UBR4: variants seen among roughly 807,000 people sequenced by gnomAD.
The protein encoded by UBR4 is ubiquitin protein ligase E3 component n-recognin 4, also known as E3 ubiquitin-protein ligase UBR4.
In UBR4, 124 loss-of-function variants were observed where a neutral mutation model predicts 575.6. The ratio of observed to expected loss-of-function variants is 0.22; its 90% CI spans 0.19 to 0.25. UBR4 has a LOEUF of 0.25. Ranked by LOEUF, UBR4 falls within the 10% of genes least tolerant of loss-of-function variation. UBR4 has a pLI of 1.00. For missense variants in UBR4, 4,818 were observed against 6,478.8 expected (o/e 0.74, Z 8.80); for synonymous variants, 2,455 against 2,473.7 (o/e 0.99, Z 0.22).
intron 1 of UBR4, among the ~76,000 whole-genome samples, chr1:19,204,222 T>G (rs2092892820): frequency 6.6e-6 from 1 of 152,114 alleles, no homozygotes; most frequent in Non-Finnish European, 1.5e-5. Context: ...CAGGCTGGTC[T>G]CAAACTCCTG....
chr1:19,082,385 C>T (rs1041284289), intron 102 of UBR4: 18 of 152,498 alleles, frequency 1.2e-4, no homozygotes, highest in Admixed American at 3.3e-4. Context: ...AGTCTCACAT[C>T]GTGGAAAAAA....
rs2082130882 is a variant in UBR4 at position 19,129,065 on chromosome 1, C to G, written c.8916G>C (p.Met2972Ile). The G allele has an allele frequency of 3.1e-6, 5 of 1,614,052 alleles. No homozygotes were observed. Among genetic ancestry groups the G allele is most frequent in the Non-Finnish European group, 4.2e-6 (5 of 1,179,954 alleles). Residue 2972 changes from methionine to isoleucine, a missense_variant, in exon 61 of 106, where the codon ATG (methionine) becomes ATC (isoleucine). Physicochemically the swap from Met to Ile is conservative, Grantham distance 10. Coordinates refer to ENST00000375254, the MANE Select transcript of UBR4 (RefSeq NM_020765.3). ...GDVHTSNRLH[M>I]VRLMLLERLL... is the part of the protein sequence containing the mutation. ...ATCTCTCCAACAGCATTAGACGGAC[C>G]ATGTGCAGCCTAAAAGGGTGGGGAA...
intron 60 of UBR4, among the ~76,000 whole-genome samples, chr1:19,132,410 G>A (rs1221544792): frequency 6.6e-6 from 1 of 151,800 alleles, no homozygotes; most frequent in Non-Finnish European, 1.5e-5. Context: ...TTGAACTCCT[G>A]GCCTCAAGTG....
chr1:19,201,684 C>CCT (rs1467155371), intron 2 of UBR4, 34 bp downstream of exon 2: 3 of 1,570,672 alleles, frequency 1.9e-6, no homozygotes, highest in Non-Finnish European at 2.6e-6. Context: ...ATTCACAAGC[C>CCT]CTCAGAAGGG....
chr1:19,121,139 G>A (rs746924016), intron 68 of UBR4, 50 bp downstream of exon 68: 1 of 1,590,006 alleles, frequency 6.3e-7, no homozygotes, highest in African/African-American at 1.3e-5. Context: ...TGCTCCAAGA[G>A]AGATTTACAT....
chr1:19,196,616 A>G (rs1206019229), intron 8 of UBR4, among the ~76,000 whole-genome samples: 2 of 152,228 alleles, frequency 1.3e-5, no homozygotes, highest in African/African-American at 2.4e-5. Context: ...GATTTTATGG[A>G]AGCTTAAAGA....
intron 50 of UBR4, 64 bp downstream of exon 50, chr1:19,148,499 G>A (rs931657654): frequency 1.5e-5 from 24 of 1,595,842 alleles, no homozygotes; most frequent in South Asian, 2.2e-5. Flanking sequence ...TCAGGGCCTC[G>A]GGCAACTCCA....
chr1:19,190,308 A>ATAAAT (rs1419232433), intron 11 of UBR4, among the ~76,000 whole-genome samples: 2 of 83,918 alleles, frequency 2.4e-5, no homozygotes, highest in African/African-American at 9.2e-5. Context: ...AAAAAAAAAA[A>ATAAAT]AAAAATATAT....
At chr1:19,129,156 C>A (rs931407050) in intron 60 of UBR4, 82 bp from the exon 61 acceptor site, 3 of 1,189,148 alleles carry the variant, frequency 2.5e-6, no homozygotes, top group East Asian at 2.4e-5. Flanking sequence ...CCCAACCCCA[C>A]CCTGCTACCA....
At chr1:19,209,940 G>A (rs1463246700) in intron 1 of UBR4, 133 bp downstream of exon 1, 3 of 1,336,270 alleles carry the variant, frequency 2.2e-6, no homozygotes, top group Non-Finnish European at 2.9e-6. Context: ...CCCGGGCCCG[G>A]GACCCCGAAG....
rs145425858 is a variant in UBR4 at position 19,192,219 on chromosome 1, C to A, written c.1363G>T (p.Val455Leu). The A allele has an allele frequency of 6.6e-5, 106 of 1,614,188 alleles. 1 individual carries two copies. In the African/African-American group the frequency reaches 8.7e-4, roughly 13 times the overall value. Residue 455 changes from valine to leucine, a missense_variant, in exon 11 of 106, where the codon GTG (valine) becomes TTG (leucine). By Grantham distance (32) the Val-to-Leu change is conservative. Around this residue, in one of 29 missense-constraint regions of UBR4, gnomAD observed 162 missense variants for 216.4 expected, o/e 0.75. Coordinates refer to ENST00000375254, the MANE Select transcript of UBR4 (RefSeq NM_020765.3). The part of the protein sequence containing the change: ...RDILSRTKEG[V>L]GSPKLGPGKG... ...CCAGGCCCCAGTTTAGGGGAGCCCA[C>A]TCCCTCTTTAGTACGAGAAAGGATG...
chr1:19,183,841 T>C lies in UBR4; in HGVS notation c.2154A>G (p.Val718=). 7.4e-6 allele frequency: 12 copies of C among 1,614,178 alleles called. No homozygotes were observed. The highest frequency in any genetic ancestry group is 1.3e-5 in the African/African-American group (1 of 75,040). ...AALYHFNHSL[V]TSDLQSPNLQ... The stretch of plus-strand genomic sequence containing the variant: ...GGTTAGGTGACTGAAGGTCAGAGGT[T>C]ACCAGTGAGTGGTTGAAGTGATAGA... Residue 718 remains valine, a synonymous_variant, in exon 17 of 106, where the codon GTA becomes GTG. Coordinates refer to ENST00000375254, the MANE Select transcript of UBR4 (RefSeq NM_020765.3).
At position 19,139,234 on chromosome 1, in the gene UBR4, G is replaced by A. The variant is rs778231061; in HGVS notation, c.8594-14C>T. 73 of 1,592,846 alleles carry A rather than the reference G, an allele frequency of 4.6e-5. 1 individual carries two copies. In the South Asian group the frequency reaches 5.9e-4, roughly 13 times the overall value. On this transcript the variant is annotated splice_polypyrimidine_tract_variant and intron_variant, in intron 58 of 105. Coordinates refer to ENST00000375254, the MANE Select transcript of UBR4 (RefSeq NM_020765.3). The surrounding 1 kb of genome is among the most constrained non-coding windows in gnomAD (Gnocchi z 4.2). ...CTGAGGCTGGAGCTGAGAGAGTAAC[G>A]AGAGCTGTTACAGGTTAAAAAACAA... is the stretch of plus-strand genomic sequence containing the variant.
chr1:19,100,955 AC>A lies in UBR4; in HGVS notation c.13024-383del, dbSNP rs970114320. Among the ~76,000 whole-genome samples, 6 of 152,056 alleles carry A rather than the reference AC, an allele frequency of 3.9e-5. No homozygotes were observed. The highest frequency in any genetic ancestry group is 3.4e-3 in the Middle Eastern group (1 of 294). ...GGGCCAGAGGACTTTGTCACTGATG[AC>A]CCTGAAGTCAAGAAAAGGGCTTCTC... On this transcript the variant is annotated intron_variant, in intron 88 of 105. Coordinates refer to ENST00000375254, the MANE Select transcript of UBR4 (RefSeq NM_020765.3). The surrounding 1 kb of genome is among the most constrained non-coding windows in gnomAD (Gnocchi z 4.2).
At chr1:19,201,872 T>C in intron 1 of UBR4, 57 bp from the exon 2 acceptor site, 3 of 1,431,176 alleles carry the variant, frequency 2.1e-6, no homozygotes, top group South Asian at 1.2e-5. Flanking sequence ...ATGTGCCAGA[T>C]ACCCCTTTAT....
Position 19,153,474 on chromosome 1 carries a change from G to T in UBR4, c.6659C>A (p.Thr2220Lys), listed in dbSNP as rs746792784. 1.1e-5 allele frequency: 17 copies of T among 1,614,082 alleles called. No homozygotes were observed. Among genetic ancestry groups the T allele is most frequent in the Non-Finnish European group, 1.4e-5 (17 of 1,180,018 alleles). ...TGTCCGCTGCTGCTCATTGCAGGCCGTGTGCCTAATAGCAACCATGTCTTG... is the reference window on the plus strand; with the variant it reads ...TGTCCGCTGCTGCTCATTGCAGGCCTTGTGCCTAATAGCAACCATGTCTTG... ...KIQDMVAIRH[T>K]ACNEQQRTTM... The change falls in exon 46 of 106, where the codon ACG becomes AAG. Residue 2220 changes from threonine to lysine, a missense_variant. Transcript: ENST00000375254. This position sits in a 1 kb window ranked among gnomAD's most constrained non-coding sequence, Gnocchi z 4.1.
In UBR4 at chr1:19,163,838, GAAAA is replaced by G; in HGVS notation, c.4701-15_4701-12del. 6.2e-7 allele frequency: 1 copy of G among 1,607,878 alleles called. No individual in the cohort carries two copies. Among genetic ancestry groups the G allele is most frequent in the Non-Finnish European group, 8.5e-7 (1 of 1,177,756 alleles). On this transcript the variant is annotated splice_polypyrimidine_tract_variant and intron_variant, in intron 33 of 105. Transcript: ENST00000375254. Reference sequence around the variant, plus strand: ...GACAGGTATTTCTTGCTGTCCCAAAGAAAAAAAAGAGGGGAAAGAGGAGACACAA... The same window carrying G: ...GACAGGTATTTCTTGCTGTCCCAAAGAAAAGAGGGGAAAGAGGAGACACAA...
Position 19,117,201 on chromosome 1 carries a change from G to C in UBR4, c.10823+20C>G, listed in dbSNP as rs143808057. On this transcript the variant is annotated intron_variant, in intron 73 of 105. Transcript: ENST00000375254. This position sits in a 1 kb window ranked among gnomAD's most constrained non-coding sequence, Gnocchi z 4.0. ...AGCCTTACAACCTGCTGCCCCTCCC[G>C]AGGCCTAAAAAGCCCGTACTTGTTT... is the stretch of plus-strand genomic sequence containing the variant. 8 of 1,608,030 alleles carry C rather than the reference G, an allele frequency of 5.0e-6. No individual in the cohort carries two copies. The East Asian group carries it at 1.1e-4, about 22-fold the overall frequency.
In UBR4 at chr1:19,076,881, CTG is replaced by C; in HGVS notation, c.15344_15345del (p.Thr5115ArgfsTer10). 6.3e-7 allele frequency: 1 copy of C among 1,583,096 alleles called. No individual in the cohort carries two copies. Among genetic ancestry groups the C allele is most frequent in the Non-Finnish European group, 8.6e-7 (1 of 1,166,180 alleles). Reference sequence around the variant, plus strand: ...GCGAGAGAGCAGGACCAGCCTCCCTCTGTGTTACTGGTAGGCACCTTCTACGA... The same window carrying C: ...GCGAGAGAGCAGGACCAGCCTCCCTCTGTTACTGGTAGGCACCTTCTACGA... ...NMFKKVPTSN[T>X]EGGWSCSLAE... On this transcript the variant is annotated frameshift_variant, in exon 105 of 106. Transcript: ENST00000375254. LOFTEE classifies it high-confidence loss of function.
Sources: gnomAD v4.1 joint callset for allele counts (sites outside exome capture counted in the v4.1 genomes callset) on GRCh38, gnomAD v4.1.1 for gene constraint, gnomAD v4.1.1 regional missense constraint, Gnocchi (gnomAD v3.1) non-coding constraint, MANE v1.5 for transcripts, NCBI Gene and HGNC (gene_info 2026-07-23, HGNC 2026-07-21) for gene names.